FAM135B: variants seen among roughly 807,000 people sequenced by gnomAD.
FAM135B encodes protein FAM135B.
Under a neutral mutation model 127.7 loss-of-function variants are expected in FAM135B, and 43 were observed. That is an observed-to-expected ratio of 0.34 (90% CI 0.26 to 0.43). The LOEUF (loss-of-function observed/expected upper bound fraction) is 0.43. Among genes scored for constraint, FAM135B ranks in the 20% least tolerant of loss-of-function variants. FAM135B has a pLI of 1.00. For missense variants in FAM135B, 1,558 were observed against 1,725.6 expected, an observed-to-expected ratio of 0.90 and a Z score of 1.72; for synonymous variants, 670 against 665.1, an observed-to-expected ratio of 1.01 and a Z score of -0.11.
chr8:138,306,317 C>T (rs1012921922), intron 3 of FAM135B, among the ~76,000 whole-genome samples: 1 of 151,760 alleles, frequency 6.6e-6, no homozygotes, highest in African/African-American at 2.4e-5. Context: ...CACCTGTAAT[C>T]CCAGACACTT....
At chr8:138,334,414 A>C (rs1828406574) in intron 2 of FAM135B, among the ~76,000 whole-genome samples, 1 of 152,184 alleles carries the variant, frequency 6.6e-6, no homozygotes, top group Non-Finnish European at 1.5e-5. Context: ...TTTTAAGTTC[A>C]GGGTTACATG....
chr8:138,264,316 G>A (rs751162811), intron 4 of FAM135B, among the ~76,000 whole-genome samples: 1 of 152,184 alleles, frequency 6.6e-6, no homozygotes, highest in Non-Finnish European at 1.5e-5. Flanking sequence ...GTTGAAGGTT[G>A]TGCTGAGTTC....
chr8:138,410,815 CA>C (rs1204022608), intron 1 of FAM135B, among the ~76,000 whole-genome samples: 1 of 152,086 alleles, frequency 6.6e-6, no homozygotes, highest in Non-Finnish European at 1.5e-5. Context: ...ATCATTTTAC[CA>C]AAAACATACG....
intron 12 of FAM135B, among the ~76,000 whole-genome samples, chr8:138,164,293 T>A (rs1434980061): frequency 4.6e-5 from 7 of 151,846 alleles, no homozygotes; most frequent in Admixed American, 4.6e-4. Flanking sequence ...AGGTCAGAGG[T>A]CCATGGAGAG....
chr8:138,306,360 G>A (rs191557549), intron 3 of FAM135B, among the ~76,000 whole-genome samples: 85 of 149,426 alleles, frequency 5.7e-4, no homozygotes, highest in African/African-American at 1.8e-3. Flanking sequence ...ATTTGAACCC[G>A]AAAGGTGGAG....
intron 1 of FAM135B, among the ~76,000 whole-genome samples, chr8:138,421,448 G>A (rs146700019): frequency 1.4e-4 from 22 of 152,288 alleles, no homozygotes; most frequent in African/African-American, 2.2e-4. Flanking sequence ...ATGGTTTCAA[G>A]ATACAAAAGT....
intron 1 of FAM135B, among the ~76,000 whole-genome samples, chr8:138,434,093 A>C (rs1835341152): frequency 6.6e-6 from 1 of 152,246 alleles, no homozygotes; most frequent in Non-Finnish European, 1.5e-5. Flanking sequence ...AGCTTAGACA[A>C]GCTTTAGTCA....
intron 7 of FAM135B, among the ~76,000 whole-genome samples, chr8:138,236,571 C>T (rs1298207385): frequency 6.6e-6 from 1 of 152,152 alleles, no homozygotes; most frequent in African/African-American, 2.4e-5. Flanking sequence ...AAAACTCCAG[C>T]TTGGTCCCTG....
At chr8:138,230,455 T>C (rs1400450774) in intron 7 of FAM135B, among the ~76,000 whole-genome samples, 1 of 152,124 alleles carries the variant, frequency 6.6e-6, no homozygotes, top group African/African-American at 2.4e-5. Flanking sequence ...ATCACTCCCA[T>C]TAGGAGGAAT....
At chr8:138,247,734 T>C (rs543078883) in intron 6 of FAM135B, among the ~76,000 whole-genome samples, 1 of 152,324 alleles carries the variant, frequency 6.6e-6, no homozygotes, top group East Asian at 1.9e-4. Flanking sequence ...TCAAAGCTGC[T>C]GGAGTCTTTA....
At chr8:138,190,778 CCCAG>C (rs1283371340) in intron 9 of FAM135B, among the ~76,000 whole-genome samples, 1 of 152,184 alleles carries the variant, frequency 6.6e-6, no homozygotes, top group Non-Finnish European at 1.5e-5. Context: ...CTTATCTTAA[CCCAG>C]ACTCCCTTGT....
intron 9 of FAM135B, among the ~76,000 whole-genome samples, chr8:138,181,567 G>C (rs1283242443): frequency 6.6e-6 from 1 of 152,004 alleles, no homozygotes; most frequent in African/African-American, 2.4e-5. Flanking sequence ...CCTTGTTCAG[G>C]CTGCTGGTCT....
At position 138,437,902 on chromosome 8, in the gene FAM135B, A is replaced by G. The variant is rs564683499; in HGVS notation, c.-20+58769T>C. 5.5e-4 allele frequency: 84 copies of G among 152,320 alleles called. 1 individual carries two copies. Among genetic ancestry groups the G allele is most frequent in the Non-Finnish European group, 4.6e-4 (31 of 68,014 alleles). The allele number at this position is 152,320 out of a possible 1,614,324, so 9.4% of individuals were successfully genotyped here. On this transcript the variant is annotated intron_variant, in intron 1 of 19. Transcript: ENST00000395297. ...AATACCAGAATTCAGGAATCACTAC[A>G]TTATTGTCATTATAATTCCGAAGGG...
At chr8:138,380,886 G>A (rs1180071745) in intron 1 of FAM135B, among the ~76,000 whole-genome samples, 2 of 151,396 alleles carry the variant, frequency 1.3e-5, no homozygotes, top group Admixed American at 6.6e-5. Flanking sequence ...ATAACATCAG[G>A]GTATCAGAAC....
chr8:138,260,585 G>C (rs1586909189), intron 4 of FAM135B, among the ~76,000 whole-genome samples: 2 of 152,100 alleles, frequency 1.3e-5, no homozygotes, highest in South Asian at 4.1e-4. Context: ...CCAAATCTTA[G>C]AGTCAACTTC....
At chr8:138,290,788 C>T (rs896858932) in intron 3 of FAM135B, among the ~76,000 whole-genome samples, 3 of 152,040 alleles carry the variant, frequency 2.0e-5, no homozygotes, top group African/African-American at 4.8e-5. Context: ...GGTGCTAACA[C>T]GGATTTAGGA....
chr8:138,231,977 G>A (rs1819937286), intron 7 of FAM135B, among the ~76,000 whole-genome samples: 1 of 152,238 alleles, frequency 6.6e-6, no homozygotes, highest in Non-Finnish European at 1.5e-5. Context: ...TACCCTTCCT[G>A]AGTCCCAGAC....
chr8:138,265,761 T>A lies in FAM135B; in HGVS notation c.239A>T (p.Glu80Val), dbSNP rs1177308839. Reference protein sequence around the residue: ...RVFQILYRNEEVPINDAVVFR... With the variant: ...RVFQILYRNEVVPINDAVVFR... ...GACCACAGCATCATTTATGGGTACC[T>A]CTTCATTCCGGTATAAGATCTGAAA... The change falls in exon 4 of 20, where the codon GAG becomes GTG. Residue 80 changes from glutamate to valine, a missense_variant. Physicochemically the swap from Glu to Val is moderately radical, Grantham distance 121. This residue lies in a region of FAM135B where 199 missense variants were observed against 245.7 expected (regional missense o/e 0.81). Coordinates refer to ENST00000395297, the MANE Select transcript of FAM135B (RefSeq NM_015912.4). The A allele has an allele frequency of 8.1e-6, 13 of 1,613,954 alleles. No individual in the cohort carries two copies. The highest frequency in any genetic ancestry group is 1.0e-5 in the Non-Finnish European group (12 of 1,180,014).
chr8:138,435,296 CAAAAAAATAAAA>C (rs1564000087), intron 1 of FAM135B, among the ~76,000 whole-genome samples: 1 of 150,942 alleles, frequency 6.6e-6, no homozygotes, highest in East Asian at 1.9e-4. Context: ...GACTCCATCT[CAAAAAAATAAAA>C]AGAAAAAGAA....
Sources: gnomAD v4.1 joint callset for allele counts (sites outside exome capture counted in the v4.1 genomes callset) on GRCh38, gnomAD v4.1.1 for gene constraint, gnomAD v4.1.1 regional missense constraint, MANE v1.5 for transcripts, NCBI Gene and HGNC (gene_info 2026-07-23, HGNC 2026-07-21) for gene names.